Variants in C9orf50 observed in about 807,000 individuals in gnomAD.
C9orf50 encodes chromosome 9 open reading frame 50.
Under a neutral mutation model 42.5 loss-of-function variants are expected in C9orf50, and 33 were observed. The ratio of observed to expected loss-of-function variants is 0.78; its 90% CI spans 0.59 to 1.04. C9orf50 has a LOEUF of 1.04. C9orf50 is among the 50% of genes least tolerant of loss of function. The probability of loss-of-function intolerance (pLI) is 0.00; values close to 1 mark genes in which losing one functional copy is unlikely to be tolerated. For missense variants in C9orf50, 547 were observed against 594.3 expected (o/e 0.92, Z 0.83); for synonymous variants, 257 against 273.4 (o/e 0.94, Z 0.59).
chr9:129,620,110 C>T lies in C9orf50; in HGVS notation c.465G>A (p.Leu155=). 1 of 1,452,100 alleles carries T rather than the reference C, an allele frequency of 6.9e-7. No homozygotes were observed. The allele number at this position is 1,452,100 out of a possible 1,614,324, so 90.0% of individuals were successfully genotyped here. A position where few individuals can be genotyped will look rare whatever the true frequency, so the allele number is the denominator to read the frequency against. ...CGGCGCACTTCTCCTGGAGCTGGTG[C>T]AGGAACTCACGGAACCTGCTGGGGA... Residue 155 remains leucine (L), a synonymous_variant, in exon 1 of 7, where the codon CTG becomes CTA. Transcript: ENST00000372478. This position sits in a 1 kb window ranked among gnomAD's most constrained non-coding sequence, Gnocchi z 5.8.
chr9:129,621,299 T>C (rs1032870380), upstream of C9orf50, among the ~76,000 whole-genome samples: 2 of 152,162 alleles, frequency 1.3e-5, no homozygotes, highest in Non-Finnish European at 2.9e-5. Flanking sequence ...CAGCCCCCAT[T>C]CTGATTCAGT....
intron 4 of C9orf50, among the ~76,000 whole-genome samples, chr9:129,615,254 T>C (rs4489408): frequency 1.3e-5 from 2 of 152,182 alleles, no homozygotes; most frequent in South Asian, 2.1e-4. Context: ...CAGTCCAAGG[T>C]GCTGCCTGCG....
intron 3 of C9orf50, among the ~76,000 whole-genome samples, chr9:129,618,868 G>GTTT (rs34259203): frequency 7.8e-6 from 1 of 128,304 alleles, no homozygotes. Flanking sequence ...AATTTTTTGT[G>GTTT]TTTTTTTTTT....
chr9:129,617,142 A>G (rs1265212885), intron 3 of C9orf50, among the ~76,000 whole-genome samples: 1 of 152,208 alleles, frequency 6.6e-6, no homozygotes, highest in Non-Finnish European at 1.5e-5. Flanking sequence ...TAACTCTGTT[A>G]TGGAGGAAGG....
intron 4 of C9orf50, among the ~76,000 whole-genome samples, chr9:129,615,199 C>T (rs1431800085): frequency 1.3e-5 from 2 of 152,194 alleles, no homozygotes; most frequent in Non-Finnish European, 2.9e-5. Context: ...GGCTACGGGT[C>T]TCAAGGTGGG....
At chr9:129,612,307 C>T (rs749169109) in exon 7 of C9orf50, 1 of 1,553,302 alleles carries the variant, frequency 6.4e-7, no homozygotes, top group Non-Finnish European at 8.9e-7. Context: ...CTCCTCATTG[C>T]CTGGCCCATG....
At chr9:129,612,959 TG>T in intron 6 of C9orf50, 147 bp downstream of exon 6, 1 of 956,690 alleles carries the variant, frequency 1.0e-6, no homozygotes, top group Non-Finnish European at 1.5e-6. Flanking sequence ...ACACAGGGCG[TG>T]GCCACTGCAA....
In C9orf50 at chr9:129,614,337, G is replaced by A. The variant is rs566910650; in HGVS notation, c.881-740C>T. On this transcript the variant is annotated intron_variant, in intron 4 of 6. Coordinates refer to ENST00000372478, the Ensembl canonical transcript of C9orf50. The surrounding 1 kb of genome is among the most constrained non-coding windows in gnomAD (Gnocchi z 4.4). ...GCTTCTAACTCCAGCTTCCTGTCAC[G>A]CTAAGGAGGCTGCGTCAGATCCCTC... Among the ~76,000 whole-genome samples, 56 of 152,284 alleles carry A rather than the reference G, an allele frequency of 3.7e-4. No individual in the cohort carries two copies. Among genetic ancestry groups the A allele is most frequent in the African/African-American group, 1.2e-3 (51 of 41,552 alleles).
intron 3 of C9orf50, among the ~76,000 whole-genome samples, chr9:129,617,293 G>A (rs549173349): frequency 7.2e-5 from 11 of 152,208 alleles, no homozygotes; most frequent in Non-Finnish European, 1.6e-4. Context: ...TCAGGACAGT[G>A]CCTGGCTACA....
intron 3 of C9orf50, among the ~76,000 whole-genome samples, chr9:129,616,763 C>T (rs1830409397): frequency 6.6e-6 from 1 of 152,126 alleles, no homozygotes. Flanking sequence ...TCATAGATAA[C>T]ATTGTTCCAT....
At chr9:129,618,187 A>T (rs1404403264) in intron 3 of C9orf50, among the ~76,000 whole-genome samples, 1 of 151,904 alleles carries the variant, frequency 6.6e-6, no homozygotes, top group Non-Finnish European at 1.5e-5. Context: ...TTCACCCTTC[A>T]CCCCTGCTTA....
At chr9:129,619,678 T>C (rs1427052534) in intron 2 of C9orf50, 42 bp from the exon 3 acceptor site, 12 of 1,610,650 alleles carry the variant, frequency 7.5e-6, no homozygotes, top group Non-Finnish European at 9.3e-6. Flanking sequence ...GTGGCCAGGC[T>C]GTCCCGCCCT....
Position 129,613,707 on chromosome 9 carries a change from G to T in C9orf50, c.881-110C>A. ...GGGCCGGTCAGAGCCCTGTCTCCAT[G>T]GCAACCCCAGGCTCCCCAGCGCCTT... On this transcript the variant is annotated intron_variant, in intron 4 of 6. Transcript: ENST00000372478. This position sits in a 1 kb window ranked among gnomAD's most constrained non-coding sequence, Gnocchi z 6.2. 2 of 1,355,232 alleles carry T rather than the reference G, an allele frequency of 1.5e-6. No individual in the cohort carries two copies. The allele number at this position is 1,355,232 out of a possible 1,614,324, so 84.0% of individuals were successfully genotyped here. A position where few individuals can be genotyped will look rare whatever the true frequency, so the allele number is the denominator to read the frequency against.
chr9:129,613,378 G>A lies in C9orf50; in HGVS notation c.1043+57C>T. The A allele has an allele frequency of 3.8e-6, 6 of 1,596,634 alleles. No homozygotes were observed. Among genetic ancestry groups the A allele is most frequent in the Non-Finnish European group, 5.1e-6 (6 of 1,169,204 alleles). ...CTGGGTGGGGAGGTCTGTAGGCAAG[G>A]GGGGTGGAGGGCCCTGGCAATGTCC... On this transcript the variant is annotated intron_variant, in intron 5 of 6. Transcript: ENST00000372478. This position sits in a 1 kb window ranked among gnomAD's most constrained non-coding sequence, Gnocchi z 6.2.
chr9:129,619,858 C>T, intron 1 of C9orf50, 28 bp from the exon 2 acceptor site: 1 of 1,609,010 alleles, frequency 6.2e-7, no homozygotes, highest in Non-Finnish European at 8.5e-7. Flanking sequence ...CAGTTGTGAG[C>T]CTTGGCTGGG....
exon 2 of C9orf50, chr9:129,619,749 G>A (rs1015532489): frequency 1.2e-6 from 2 of 1,613,912 alleles, no homozygotes; most frequent in African/African-American, 2.7e-5. Flanking sequence ...CCACAGGTCT[G>A]GGAGGAATGA....
upstream of C9orf50, among the ~76,000 whole-genome samples, chr9:129,621,338 T>C (rs1830698926): frequency 6.6e-6 from 1 of 152,084 alleles, no homozygotes; most frequent in African/African-American, 2.4e-5. Flanking sequence ...AGACAGTTTG[T>C]TGTTCTTGTT....
chr9:129,618,883 T>TTA, intron 3 of C9orf50, among the ~76,000 whole-genome samples: 1 of 150,042 alleles, frequency 6.7e-6, no homozygotes, highest in East Asian at 2.0e-4. Flanking sequence ...TTTTTTTTTT[T>TTA]TTGTATATTT....
chr9:129,615,598 T>C, exon 4 of C9orf50: 1 of 1,604,346 alleles, frequency 6.2e-7, no homozygotes, highest in Non-Finnish European at 8.5e-7. Flanking sequence ...CCCGAGGGGT[T>C]GTGGGTCAGC....
Sources: gnomAD v4.1 joint callset for allele counts (sites outside exome capture counted in the v4.1 genomes callset) on GRCh38, gnomAD v4.1.1 for gene constraint, Gnocchi (gnomAD v3.1) non-coding constraint, MANE v1.5 for transcripts, NCBI Gene and HGNC (gene_info 2026-07-23, HGNC 2026-07-21) for gene names.